Variants in MVB12B observed in about 807,000 individuals in gnomAD.
MVB12B encodes ESCRT-I complex subunit MVB12B.
In MVB12B, 16 loss-of-function variants were observed where a neutral mutation model predicts 41.6. That is an observed-to-expected ratio of 0.38 (90% confidence interval 0.26 to 0.58). MVB12B has a LOEUF of 0.58. Among genes scored for constraint, MVB12B ranks in the 20% least tolerant of loss-of-function variants. The pLI is 0.62. For missense variants in MVB12B, 274 were observed against 380.2 expected (o/e 0.72, Z 2.32); for synonymous variants, 133 against 139.7 (o/e 0.95, Z 0.34).
chr9:126,345,410 C>G (rs1197831634), intron 2 of MVB12B, among the ~76,000 whole-genome samples: 2 of 152,272 alleles, frequency 1.3e-5, no homozygotes, highest in African/African-American at 4.8e-5. Context: ...AGATCAGCCT[C>G]AGGCTCCGTG....
chr9:126,444,971 A>G (rs193259121), intron 7 of MVB12B, among the ~76,000 whole-genome samples: 211 of 152,314 alleles, frequency 1.4e-3, no homozygotes, highest in African/African-American at 4.9e-3. Flanking sequence ...TTATAAATGT[A>G]TGTATTTTAA....
chr9:126,490,229 G>A (rs544611181), intron 9 of MVB12B, among the ~76,000 whole-genome samples: 2 of 152,112 alleles, frequency 1.3e-5, no homozygotes, highest in Non-Finnish European at 2.9e-5. Context: ...AGTCCAGGCG[G>A]GAGCTTCTAA....
chr9:126,376,653 C>T lies in MVB12B; in HGVS notation c.205-4411C>T, dbSNP rs751658876. ...GGTAAGCGCGGGTGGCAGGGAGGGG[C>T]CTGCCATTGCCATTCAGTGTGTACG... On this transcript the variant is annotated intron_variant, in intron 2 of 9. Coordinates refer to ENST00000361171, the MANE Select transcript of MVB12B (RefSeq NM_033446.3). The surrounding 1 kb of genome is among the most constrained non-coding windows in gnomAD (Gnocchi z 4.1). 1.6e-5 allele frequency: 20 copies of T among 1,288,908 alleles called. No individual in the cohort carries two copies. Among genetic ancestry groups the T allele is most frequent in the Non-Finnish European group, 1.9e-5 (19 of 988,530 alleles). 79.8% of individuals were successfully genotyped at this position (1,288,908 alleles called of 1,614,324 possible).
chr9:126,506,996 ATTC>A lies in MVB12B; in HGVS notation c.*3736_*3738del, dbSNP rs557538965. 1.6e-3 allele frequency: 241 copies of A among 152,770 alleles called. No homozygotes were observed. Among genetic ancestry groups the A allele is most frequent in the South Asian group, 3.1e-3 (15 of 4,826 alleles). The allele number at this position is 152,770 out of a possible 1,614,324, so 9.5% of individuals were successfully genotyped here. On this transcript the variant is annotated 3_prime_UTR_variant, in exon 10 of 10. Coordinates refer to ENST00000361171, the MANE Select transcript of MVB12B (RefSeq NM_033446.3). ...GGAAGTCCACTGTGTGATTGTCTGT[ATTC>A]TTAATATAATTTGTTAAATAAACGT...
chr9:126,489,345 C>T (rs931323392), intron 9 of MVB12B, among the ~76,000 whole-genome samples: 1 of 152,202 alleles, frequency 6.6e-6, no homozygotes, highest in African/African-American at 2.4e-5. Flanking sequence ...CCCAGCCCAG[C>T]GTGCCACACA....
intron 8 of MVB12B, 67 bp downstream of exon 8, chr9:126,481,491 T>G: frequency 8.4e-7 from 1 of 1,192,490 alleles, no homozygotes; most frequent in Non-Finnish European, 1.3e-6. Flanking sequence ...CCATCCTGAT[T>G]TACACAGCAC....
intron 7 of MVB12B, among the ~76,000 whole-genome samples, chr9:126,477,007 G>T (rs984745578): frequency 6.6e-6 from 1 of 152,060 alleles, no homozygotes; most frequent in African/African-American, 2.4e-5. Context: ...CCTGAGACTG[G>T]GTCATTGATA....
At chr9:126,479,232 G>A (rs1833476851) in intron 7 of MVB12B, among the ~76,000 whole-genome samples, 1 of 152,168 alleles carries the variant, frequency 6.6e-6, no homozygotes. Context: ...ACTTCTCAGA[G>A]CCTCTGCTTC....
At chr9:126,332,695 C>T (rs1436071887) in intron 1 of MVB12B, among the ~76,000 whole-genome samples, 2 of 152,044 alleles carry the variant, frequency 1.3e-5, no homozygotes, top group African/African-American at 4.8e-5. Flanking sequence ...TGCCCCTGCC[C>T]CTTTATGTGG....
intron 8 of MVB12B, among the ~76,000 whole-genome samples, chr9:126,483,623 C>T (rs1588206023): frequency 6.6e-6 from 1 of 152,180 alleles, no homozygotes; most frequent in East Asian, 1.9e-4. Flanking sequence ...GCAAACCTTG[C>T]CTGCGTGTTC....
chr9:126,434,677 C>G (rs1020661104), intron 7 of MVB12B, among the ~76,000 whole-genome samples: 3 of 152,196 alleles, frequency 2.0e-5, no homozygotes, highest in Non-Finnish European at 4.4e-5. Flanking sequence ...GTCCTTGGCT[C>G]ATGAATTGCA....
chr9:126,503,141 C>T (rs1833994758), intron 9 of MVB12B, 36 bp from the exon 10 acceptor site: 2 of 1,520,718 alleles, frequency 1.3e-6, no homozygotes, highest in Non-Finnish European at 1.8e-6. Context: ...GTCCCATGGA[C>T]TGACTGTGTC....
At chr9:126,410,588 A>T (rs908458517) in intron 6 of MVB12B, among the ~76,000 whole-genome samples, 2 of 152,148 alleles carry the variant, frequency 1.3e-5, no homozygotes, top group Admixed American at 1.3e-4. Context: ...AATTCCAGGA[A>T]CAAAGCCTTC....
rs1554776184 is a variant in MVB12B at position 126,413,849 on chromosome 9, T to TGTGTGTGTGTGTGTGTGTGC, written c.663-8001_663-8000insGTGTGTGTGTGTGTGCGTGT. 1.7e-4 allele frequency among the ~76,000 whole-genome samples: 26 copies of TGTGTGTGTGTGTGTGTGTGC among 148,628 alleles called. No individual in the cohort carries two copies. The East Asian group carries it at 3.5e-3, about 20-fold the overall frequency. On this transcript the variant is annotated intron_variant, in intron 6 of 9. Coordinates refer to ENST00000361171, the MANE Select transcript of MVB12B (RefSeq NM_033446.3). ...GTGTGTGTGTGTGTGTGTGTGTGTG[T>TGTGTGTGTGTGTGTGTGTGC]GTGTATAAGGGTTGGGAGATCAAAG...
intron 2 of MVB12B, among the ~76,000 whole-genome samples, chr9:126,377,937 A>G (rs752532145): frequency 1.3e-5 from 2 of 152,202 alleles, no homozygotes; most frequent in Non-Finnish European, 2.9e-5. Context: ...GTGCTCATGC[A>G]CTAAGGCAGG....
intron 7 of MVB12B, among the ~76,000 whole-genome samples, chr9:126,462,755 A>G (rs562237111): frequency 8.5e-5 from 13 of 152,232 alleles, no homozygotes; most frequent in Admixed American, 3.9e-4. Flanking sequence ...GGGACTGCTG[A>G]GCTCAGGTGG....
Position 126,466,610 on chromosome 9 carries a change from C to T in MVB12B, c.758-14759C>T, listed in dbSNP as rs944419400. On this transcript the variant is annotated intron_variant, in intron 7 of 9. Coordinates refer to ENST00000361171, the MANE Select transcript of MVB12B (RefSeq NM_033446.3). ...AGACCGCACCAAAGAAGACTTCCGG[C>T]CCTGACAGGTGCCAGGAGTTGTTAA... is the stretch of plus-strand genomic sequence containing the variant. Among the ~76,000 whole-genome samples, 4 of 152,220 alleles carry T rather than the reference C, an allele frequency of 2.6e-5. No homozygotes were observed. The South Asian group carries it at 8.3e-4, about 32-fold the overall frequency.
intron 7 of MVB12B, among the ~76,000 whole-genome samples, chr9:126,453,408 G>T (rs74870902): frequency 0.052 from 7,983 of 152,270 alleles, 281 homozygotes; most frequent in Non-Finnish European, 0.083. Context: ...CCAGAGCTCA[G>T]GAGTGTTGCT....
chr9:126,376,453 C>A lies in MVB12B; in HGVS notation c.205-4611C>A, dbSNP rs578046167. ...TGTGGGTTGGGATTTAAGATGGAGG[C>A]ACCAGCTCATGGGCTGGAGCCCTGT... is the stretch of plus-strand genomic sequence containing the variant. On this transcript the variant is annotated intron_variant, in intron 2 of 9. Transcript: ENST00000361171. This position sits in a 1 kb window ranked among gnomAD's most constrained non-coding sequence, Gnocchi z 4.1. 1.6e-5 allele frequency: 20 copies of A among 1,233,328 alleles called. No individual in the cohort carries two copies. In the South Asian group the frequency reaches 2.3e-4, roughly 14 times the overall value. The allele number at this position is 1,233,328 out of a possible 1,614,324, so 76.4% of individuals were successfully genotyped here.
Sources: allele counts gnomAD v4.1 joint callset (sites outside exome capture counted in the v4.1 genomes callset), GRCh38; gene constraint gnomAD v4.1.1; non-coding constraint Gnocchi (gnomAD v3.1); transcripts MANE v1.5; gene names NCBI Gene and HGNC (gene_info 2026-07-23, HGNC 2026-07-21).